Variants in CTNNA2 observed in about 807,000 individuals in gnomAD.
CTNNA2 encodes the protein catenin alpha 2.
A neutral mutation model predicts 101.0 loss-of-function variants in CTNNA2; 42 were observed. The observed-to-expected ratio is 0.42, with a 90% confidence interval of 0.32 to 0.54. The LOEUF (loss-of-function observed/expected upper bound fraction) is 0.54, where lower values mean the gene tolerates loss of function less well. Ranked by LOEUF, CTNNA2 falls within the 20% of genes least tolerant of loss-of-function variation. The pLI is 0.14. For missense variants in CTNNA2, 871 were observed against 1,223.1 expected, an observed-to-expected ratio of 0.71 and a Z score of 4.29; for synonymous variants, 450 against 456.4, an observed-to-expected ratio of 0.99 and a Z score of 0.18.
chr2:79,221,218 T>C (rs1674341326), intron 2 of CTNNA2, among the ~76,000 whole-genome samples: 1 of 152,206 alleles, frequency 6.6e-6, no homozygotes. Flanking sequence ...GCACAAACAC[T>C]GCTCACTGCT....
chr2:79,286,391 C>A (rs1248768722), intron 2 of CTNNA2, among the ~76,000 whole-genome samples: 1 of 152,062 alleles, frequency 6.6e-6, no homozygotes, highest in Admixed American at 6.6e-5. Flanking sequence ...GCGGCTGGTA[C>A]CAGTTGTTCC....
At chr2:79,383,548 T>C (rs1018924857) in intron 4 of CTNNA2, among the ~76,000 whole-genome samples, 1 of 152,126 alleles carries the variant, frequency 6.6e-6, no homozygotes, top group African/African-American at 2.4e-5. Context: ...AGGAAGTATA[T>C]GGGAAGTATA....
At chr2:79,995,614 C>T (rs999977579) in intron 7 of CTNNA2, among the ~76,000 whole-genome samples, 1 of 152,110 alleles carries the variant, frequency 6.6e-6, no homozygotes, top group African/African-American at 2.4e-5. Context: ...AGCTCAAGAC[C>T]AGCCTGAGCA....
At chr2:80,485,477 CTGA>C (rs1372881446) in intron 9 of CTNNA2, among the ~76,000 whole-genome samples, 2 of 152,116 alleles carry the variant, frequency 1.3e-5, no homozygotes, top group African/African-American at 4.8e-5. Context: ...GACATCCAGC[CTGA>C]CAACCTGTTA....
At chr2:79,769,112 C>T (rs1205074333) in intron 3 of CTNNA2, among the ~76,000 whole-genome samples, 1 of 152,140 alleles carries the variant, frequency 6.6e-6, no homozygotes, top group Non-Finnish European at 1.5e-5. Context: ...GGCTCGGCCT[C>T]CCAAAGTGCT....
intron 3 of CTNNA2, among the ~76,000 whole-genome samples, chr2:79,755,830 G>A (rs1387773279): frequency 1.3e-5 from 2 of 152,066 alleles, no homozygotes; most frequent in African/African-American, 2.4e-5. Context: ...TTCTCAGAAG[G>A]TTTAACATCA....
chr2:80,120,776 G>A (rs972658578), intron 7 of CTNNA2, among the ~76,000 whole-genome samples: 29 of 152,290 alleles, frequency 1.9e-4, no homozygotes, highest in Middle Eastern at 6.8e-3. Context: ...TCTTAAGGGC[G>A]TATACCTAGA....
At chr2:80,571,594 T>C (rs1339114031) in intron 12 of CTNNA2, among the ~76,000 whole-genome samples, 1 of 152,210 alleles carries the variant, frequency 6.6e-6, no homozygotes, top group Admixed American at 6.5e-5. Flanking sequence ...TGCACAGTTT[T>C]CATTTGTGTA....
At chr2:79,514,890 AT>A (rs947783027) in intron 1 of CTNNA2, among the ~76,000 whole-genome samples, 1 of 152,122 alleles carries the variant, frequency 6.6e-6, no homozygotes, top group African/African-American at 2.4e-5. Context: ...CACATTATTG[AT>A]TTTTTTCTTT....
At chr2:80,612,668 T>G (rs1246579969) in intron 17 of CTNNA2, among the ~76,000 whole-genome samples, 3 of 151,584 alleles carry the variant, frequency 2.0e-5, no homozygotes, top group African/African-American at 7.3e-5. Context: ...GTGCCAGTAT[T>G]TTGTAATGAG....
intron 7 of CTNNA2, among the ~76,000 whole-genome samples, chr2:80,258,098 T>A (rs1408275648): frequency 6.6e-6 from 1 of 152,214 alleles, no homozygotes; most frequent in Non-Finnish European, 1.5e-5. Context: ...TCACAATATG[T>A]TTCTAACAGA....
chr2:79,994,984 G>A (rs746257474), intron 7 of CTNNA2, among the ~76,000 whole-genome samples: 1 of 152,110 alleles, frequency 6.6e-6, no homozygotes, highest in Admixed American at 6.5e-5. Context: ...AAACATAATT[G>A]GAGCAGAGGG....
intron 7 of CTNNA2, among the ~76,000 whole-genome samples, chr2:80,390,307 T>G (rs919098072): frequency 6.6e-6 from 1 of 152,242 alleles, no homozygotes; most frequent in Non-Finnish European, 1.5e-5. Flanking sequence ...TTTTTGGTAT[T>G]GTTCTGGTCT....
chr2:80,600,608 T>C (rs1220399098), intron 15 of CTNNA2, among the ~76,000 whole-genome samples: 1 of 152,196 alleles, frequency 6.6e-6, no homozygotes, highest in Non-Finnish European at 1.5e-5. Flanking sequence ...CAGTCTCCTC[T>C]GTCATAACAG....
At chr2:79,869,387 T>C (rs1337539414) in intron 4 of CTNNA2, among the ~76,000 whole-genome samples, 1 of 152,244 alleles carries the variant, frequency 6.6e-6, no homozygotes, top group South Asian at 2.1e-4. Flanking sequence ...TGCAGATTCA[T>C]GCTGTCCTAA....
intron 7 of CTNNA2, among the ~76,000 whole-genome samples, chr2:80,202,131 G>C (rs532308923): frequency 6.6e-6 from 1 of 152,166 alleles, no homozygotes; most frequent in South Asian, 2.1e-4. Flanking sequence ...ATGACTATAA[G>C]TCTTCTCTCC....
chr2:79,196,633 C>T (rs1163803084), intron 1 of CTNNA2, among the ~76,000 whole-genome samples: 2 of 152,084 alleles, frequency 1.3e-5, no homozygotes, highest in African/African-American at 2.4e-5. Context: ...ATTCTGGTTC[C>T]GTCCATGAAT....
intron 4 of CTNNA2, among the ~76,000 whole-genome samples, chr2:79,379,316 T>C (rs2104461671): frequency 6.6e-6 from 1 of 152,360 alleles, no homozygotes; most frequent in Admixed American, 6.5e-5. Context: ...ATGTATAATA[T>C]TCCATTATAA....
intron 7 of CTNNA2, among the ~76,000 whole-genome samples, chr2:80,207,716 AG>A (rs1412062796): frequency 1.3e-5 from 2 of 152,034 alleles, no homozygotes; most frequent in African/African-American, 4.8e-5. Flanking sequence ...AGTGTGGGAG[AG>A]GGTTTAGGGA....
Sources: allele counts gnomAD v4.1 joint callset (sites outside exome capture counted in the v4.1 genomes callset), GRCh38; gene constraint gnomAD v4.1.1; transcripts MANE v1.5; gene names NCBI Gene and HGNC (gene_info 2026-07-23, HGNC 2026-07-21).